The following KLHL20 variants were observed in gnomAD, a reference collection of about 807,000 sequenced individuals.
KLHL20 encodes the protein kelch like family member 20.
A neutral mutation model predicts 69.5 loss-of-function variants in KLHL20; 29 were observed. The ratio of observed to expected loss-of-function variants is 0.42; its 90% CI spans 0.31 to 0.57. The LOEUF (loss-of-function observed/expected upper bound fraction) is 0.57, where lower values mean the gene tolerates loss of function less well. Ranked by LOEUF, KLHL20 falls within the 20% of genes least tolerant of loss-of-function variation. The probability of loss-of-function intolerance (pLI) is 0.18; values close to 1 mark genes in which losing one functional copy is unlikely to be tolerated. For missense variants in KLHL20, 419 were observed against 776.0 expected, an observed-to-expected ratio of 0.54 and a Z score of 5.47; for synonymous variants, 253 against 265.2, an observed-to-expected ratio of 0.95 and a Z score of 0.45.
At position 173,785,480 on chromosome 1, in the gene KLHL20, T is replaced by A. The variant is rs1649149757; in HGVS notation, c.*233T>A. The A allele has an allele frequency of 3.9e-6, 1 of 255,714 alleles. No individual in the cohort carries two copies. The highest frequency in any genetic ancestry group is 7.4e-5 in the East Asian group (1 of 13,490). The allele number at this position is 255,714 out of a possible 1,614,324, so 15.8% of individuals were successfully genotyped here. On this transcript the variant is annotated 3_prime_UTR_variant, in exon 12 of 12. Coordinates refer to ENST00000209884, the MANE Select transcript of KLHL20 (RefSeq NM_014458.4). ...AATTTATCATGGTTTTTTGTTGTTT[T>A]CGTTTTGAACTTATCCTTCCTCCCA...
chr1:173,743,830 T>C (rs1672941064), intron 3 of KLHL20, among the ~76,000 whole-genome samples: 1 of 152,118 alleles, frequency 6.6e-6, no homozygotes, highest in African/African-American at 2.4e-5. Context: ...TCCATATTAG[T>C]TGTTTTAGAT....
intron 10 of KLHL20, among the ~76,000 whole-genome samples, chr1:173,778,352 A>AG (rs1458220660): frequency 1.3e-5 from 2 of 151,708 alleles, no homozygotes; most frequent in Non-Finnish European, 2.9e-5. Context: ...GTTTTGAGAC[A>AG]GGGTCTGGCT....
Position 173,786,141 on chromosome 1 carries a change from C to A in KLHL20, c.*894C>A, listed in dbSNP as rs1026346840. 3.3e-5 allele frequency: 5 copies of A among 152,598 alleles called. No individual in the cohort carries two copies. The highest frequency in any genetic ancestry group is 3.3e-4 in the Admixed American group (5 of 15,282). The allele number at this position is 152,598 out of a possible 1,614,324, so 9.5% of individuals were successfully genotyped here. A position where few individuals can be genotyped will look rare whatever the true frequency, so the allele number is the denominator to read the frequency against. On this transcript the variant is annotated 3_prime_UTR_variant, in exon 12 of 12. Coordinates refer to ENST00000209884, the MANE Select transcript of KLHL20 (RefSeq NM_014458.4). ...AAATGTCTTCTCCCAGCAGTGAATT[C>A]TGTTATGCAATTTATTCTTGATGCT...
chr1:173,775,562 T>TA, intron 9 of KLHL20, 72 bp from the exon 10 acceptor site: 1 of 1,257,548 alleles, frequency 8.0e-7, no homozygotes, highest in Non-Finnish European at 1.1e-6. Context: ...AAAGTATCAG[T>TA]GGCTATAAAG....
intron 10 of KLHL20, among the ~76,000 whole-genome samples, chr1:173,780,824 G>A (rs1050853295): frequency 6.6e-6 from 1 of 151,902 alleles, no homozygotes; most frequent in Non-Finnish European, 1.5e-5. Flanking sequence ...CCACCTCCCG[G>A]GCTCAAGTGA....
Position 173,785,987 on chromosome 1 carries a change from G to A in KLHL20, c.*740G>A, listed in dbSNP as rs150475911. 4.4e-3 allele frequency: 673 copies of A among 152,164 alleles called. 8 individuals are homozygous for A. The highest frequency in any genetic ancestry group is 0.015 in the African/African-American group (640 of 41,486). The allele number at this position is 152,164 out of a possible 1,614,324, so 9.4% of individuals were successfully genotyped here. A position where few individuals can be genotyped will look rare whatever the true frequency, so the allele number is the denominator to read the frequency against. Reference sequence around the variant, plus strand: ...TGCCTCTTATAAAAACAATATATAAGTCTCATATGCTGTCTTGAGAATCCA... The same window carrying A: ...TGCCTCTTATAAAAACAATATATAAATCTCATATGCTGTCTTGAGAATCCA... On this transcript the variant is annotated 3_prime_UTR_variant, in exon 12 of 12. Transcript: ENST00000209884.
intron 8 of KLHL20, among the ~76,000 whole-genome samples, chr1:173,771,057 C>G (rs1465372438): frequency 6.6e-6 from 1 of 151,958 alleles, no homozygotes; most frequent in Non-Finnish European, 1.5e-5. Flanking sequence ...GTAGTTCATG[C>G]CAGAAGAAAA....
At chr1:173,757,266 A>T (rs953991662) in intron 7 of KLHL20, 107 bp downstream of exon 7, 8 of 1,073,584 alleles carry the variant, frequency 7.5e-6, no homozygotes, top group Non-Finnish European at 1.1e-5. Flanking sequence ...CATCTGTGGC[A>T]CTAGTTGGCA....
chr1:173,735,936 C>CTTTTTTTT (rs769632286), intron 3 of KLHL20, among the ~76,000 whole-genome samples: 23 of 105,986 alleles, frequency 2.2e-4, no homozygotes, highest in East Asian at 8.8e-4. Flanking sequence ...GCCATTCTAT[C>CTTTTTTTT]TTTTTTTTTT....
chr1:173,750,548 C>G lies in KLHL20; in HGVS notation c.598-1216C>G, dbSNP rs566206390. On this transcript the variant is annotated intron_variant, in intron 3 of 11. Transcript: ENST00000209884. Reference sequence around the variant, plus strand: ...TTGCCCAGGCTGAAGTGAAATGGCGCAATCTTGGCTTACTGCAACCTCTGT... The same window carrying G: ...TTGCCCAGGCTGAAGTGAAATGGCGGAATCTTGGCTTACTGCAACCTCTGT... 1.3e-4 allele frequency among the ~76,000 whole-genome samples: 19 copies of G among 150,106 alleles called. No individual in the cohort carries two copies. The South Asian group carries it at 4.0e-3, about 32-fold the overall frequency.
At chr1:173,741,643 C>G (rs765347214) in intron 3 of KLHL20, 3 of 512,160 alleles carry the variant, frequency 5.9e-6, no homozygotes, top group Non-Finnish European at 9.4e-6. Flanking sequence ...GTAAATCGTC[C>G]TTTCTGGTGG....
intron 6 of KLHL20, among the ~76,000 whole-genome samples, chr1:173,756,644 A>G (rs1673561735): frequency 6.6e-6 from 1 of 152,210 alleles, no homozygotes; most frequent in African/African-American, 2.4e-5. Context: ...ATTGTGAAAA[A>G]ACATTAAACA....
chr1:173,748,630 A>G (rs1292247196), intron 3 of KLHL20, among the ~76,000 whole-genome samples: 1 of 152,178 alleles, frequency 6.6e-6, no homozygotes. Context: ...GGAGCTCCAA[A>G]ACAATATGCT....
chr1:173,784,852 G>A (rs1649104881), intron 11 of KLHL20, among the ~76,000 whole-genome samples: 1 of 152,200 alleles, frequency 6.6e-6, no homozygotes, highest in South Asian at 2.1e-4. Context: ...CTGTGTAACC[G>A]TTAGAAGTCA....
chr1:173,716,155 C>G (rs879232002), intron 2 of KLHL20, 89 bp downstream of exon 2: 2 of 1,240,906 alleles, frequency 1.6e-6, no homozygotes, highest in African/African-American at 3.0e-5. Flanking sequence ...TTCAATCTTA[C>G]TAAATTCTGC....
intron 7 of KLHL20, among the ~76,000 whole-genome samples, chr1:173,763,799 G>C (rs1485113192): frequency 6.7e-6 from 1 of 150,092 alleles, no homozygotes; most frequent in Non-Finnish European, 1.5e-5. Context: ...AGATAACATT[G>C]GAAAAACCCC....
intron 2 of KLHL20, among the ~76,000 whole-genome samples, chr1:173,731,054 G>A (rs1048592562): frequency 3.4e-4 from 51 of 152,220 alleles, no homozygotes; most frequent in African/African-American, 1.1e-3. Context: ...AAAGTGGGCA[G>A]AGGATATGAA....
chr1:173,733,456 G>T (rs899393722), intron 2 of KLHL20, among the ~76,000 whole-genome samples: 1 of 152,012 alleles, frequency 6.6e-6, no homozygotes, highest in Non-Finnish European at 1.5e-5. Context: ...CAATTTAAAT[G>T]GTTTATGTAG....
In KLHL20 at chr1:173,731,450, A is replaced by C. The variant is rs1020768001; in HGVS notation, c.24-2263A>C. Reference sequence around the variant, plus strand: ...CATTGTGGCACTATTCACAATAGCAAAGACTTGGAACCAACCCAAATGTCC... The same window carrying C: ...CATTGTGGCACTATTCACAATAGCACAGACTTGGAACCAACCCAAATGTCC... On this transcript the variant is annotated intron_variant, in intron 2 of 11. Transcript: ENST00000209884. 2.0e-5 allele frequency among the ~76,000 whole-genome samples: 3 copies of C among 152,226 alleles called. No homozygotes were observed. In the East Asian group the frequency reaches 5.8e-4, roughly 29 times the overall value.
Sources: gnomAD v4.1 joint callset for allele counts (sites outside exome capture counted in the v4.1 genomes callset) on GRCh38, gnomAD v4.1.1 for gene constraint, MANE v1.5 for transcripts, NCBI Gene and HGNC (gene_info 2026-07-23, HGNC 2026-07-21) for gene names.